Variants in KNDC1 observed in about 807,000 individuals in gnomAD.
KNDC1 encodes the protein kinase non-catalytic C-lobe domain containing 1, also known as kinase non-catalytic C-lobe domain-containing protein 1.
Under a neutral mutation model 172.8 loss-of-function variants are expected in KNDC1, and 106 were observed. The ratio of observed to expected loss-of-function variants is 0.61; its 90% CI spans 0.52 to 0.72. The LOEUF is 0.72. Ranked by LOEUF, KNDC1 falls within the 30% of genes least tolerant of loss-of-function variation. The pLI, the probability that KNDC1 is intolerant of heterozygous loss-of-function variation, is 0.00. For missense variants in KNDC1, 2,325 were observed against 2,394.5 expected (o/e 0.97, Z 0.61); for synonymous variants, 1,083 against 1,062.2 (o/e 1.02, Z -0.38).
chr10:133,170,458 C>T (rs939576658), intron 3 of KNDC1, among the ~76,000 whole-genome samples: 8 of 152,130 alleles, frequency 5.3e-5, no homozygotes, highest in East Asian at 1.9e-4. Flanking sequence ...GACAGCACCG[C>T]GCTGCATCTC....
At chr10:133,170,258 G>A (rs1345992462) in intron 3 of KNDC1, among the ~76,000 whole-genome samples, 1 of 152,214 alleles carries the variant, frequency 6.6e-6, no homozygotes, top group Non-Finnish European at 1.5e-5. Flanking sequence ...GGGGCAGGTG[G>A]ACGTACATCT....
chr10:133,216,120 A>G (rs1454271128), intron 26 of KNDC1, among the ~76,000 whole-genome samples: 1 of 152,262 alleles, frequency 6.6e-6, no homozygotes. Flanking sequence ...CCAGAAAATC[A>G]TTAAAATACA....
intron 17 of KNDC1, among the ~76,000 whole-genome samples, chr10:133,203,473 T>G (rs1854436801): frequency 6.6e-6 from 1 of 152,224 alleles, no homozygotes; most frequent in African/African-American, 2.4e-5. Flanking sequence ...AGACAGACTT[T>G]CACATCCGCA....
intron 16 of KNDC1, 54 bp from the exon 17 acceptor site, chr10:133,201,447 G>A (rs200361123): frequency 3.0e-5 from 46 of 1,521,038 alleles, no homozygotes; most frequent in South Asian, 1.3e-4. Flanking sequence ...CAGCCTGCCC[G>A]GGCTCCGCCC....
chr10:133,189,538 C>A, intron 7 of KNDC1, 60 bp from the exon 8 acceptor site: 1 of 1,538,686 alleles, frequency 6.5e-7, no homozygotes, highest in East Asian at 2.3e-5. Context: ...CTCCTTCCCC[C>A]CAGCCAGCCC....
At chr10:133,181,776 T>C (rs959150215) in intron 3 of KNDC1, among the ~76,000 whole-genome samples, 3 of 151,616 alleles carry the variant, frequency 2.0e-5, no homozygotes, top group Non-Finnish European at 2.9e-5. Context: ...GTGTGCTGGG[T>C]GTGCACGTAT....
At chr10:133,167,729 G>A (rs1244276038) in intron 2 of KNDC1, 150 bp downstream of exon 2, 13 of 927,720 alleles carry the variant, frequency 1.4e-5, no homozygotes, top group Non-Finnish European at 2.1e-5. Context: ...CCTTGGGAGG[G>A]ACTCAGGCTG....
In KNDC1 at chr10:133,225,078, C is replaced by G. The variant is rs1845694156; in HGVS notation, c.*188C>G. 4 of 596,036 alleles carry G rather than the reference C, an allele frequency of 6.7e-6. No individual in the cohort carries two copies. Among genetic ancestry groups the G allele is most frequent in the Non-Finnish European group, 1.2e-5 (4 of 330,684 alleles). 36.9% of individuals were successfully genotyped at this position (596,036 alleles called of 1,614,324 possible). ...ACAGGCAGAGCTGGTCTCCTCCCAG[C>G]AGACGGAGCCAGGACGGGCACAAGA... is the stretch of plus-strand genomic sequence containing the variant. On this transcript the variant is annotated 3_prime_UTR_variant, in exon 30 of 30. Coordinates refer to ENST00000304613, the MANE Select transcript of KNDC1 (RefSeq NM_152643.8).
Position 133,167,364 on chromosome 10 carries a change from A to G in KNDC1, c.103-17A>G. 2 of 1,554,234 alleles carry G rather than the reference A, an allele frequency of 1.3e-6. No homozygotes were observed. The highest frequency in any genetic ancestry group is 1.7e-6 in the Non-Finnish European group (2 of 1,147,738). The stretch of plus-strand genomic sequence containing the variant: ...TGGGGGTCCTGCCGGGCTCACGGCC[A>G]GGGCCGGTCTTGGCAGGAGAACGTG... On this transcript the variant is annotated splice_polypyrimidine_tract_variant and intron_variant, in intron 1 of 29. Coordinates refer to ENST00000304613, the MANE Select transcript of KNDC1 (RefSeq NM_152643.8).
chr10:133,189,215 G>A (rs1041926553), intron 7 of KNDC1, among the ~76,000 whole-genome samples: 6 of 152,168 alleles, frequency 3.9e-5, no homozygotes, highest in Non-Finnish European at 8.8e-5. Flanking sequence ...AGAGGCCATC[G>A]GAGACACACC....
intron 3 of KNDC1, among the ~76,000 whole-genome samples, chr10:133,176,470 G>T (rs1292437384): frequency 1.3e-5 from 2 of 152,144 alleles, no homozygotes; most frequent in African/African-American, 4.8e-5. Context: ...GGTTGTTGCT[G>T]GTCTCCTGCC....
chr10:133,185,936 G>GGGGAGGGGTGGGAGGAGA, intron 5 of KNDC1, 38 bp from the exon 6 acceptor site: 4 of 1,478,652 alleles, frequency 2.7e-6, no homozygotes, highest in South Asian at 2.6e-5. Flanking sequence ...AGGGGCGGGA[G>GGGGAGGGGTGGGAGGAGA]GGGCACCCAG....
chr10:133,177,721 GTGTGT>G (rs1853588036), intron 3 of KNDC1, among the ~76,000 whole-genome samples: 1 of 151,862 alleles, frequency 6.6e-6, no homozygotes, highest in Non-Finnish European at 1.5e-5. Flanking sequence ...ATGTGGTATG[GTGTGT>G]TGTGGCCACA....
At chr10:133,181,162 C>T (rs1461575353) in intron 3 of KNDC1, among the ~76,000 whole-genome samples, 1 of 151,644 alleles carries the variant, frequency 6.6e-6, no homozygotes, top group African/African-American at 2.4e-5. Context: ...CCCACTGACG[C>T]CACACGGGGC....
intron 29 of KNDC1, among the ~76,000 whole-genome samples, chr10:133,222,082 G>T (rs1356362849): frequency 4.6e-5 from 7 of 150,654 alleles, no homozygotes. Flanking sequence ...AGGAGTTCAA[G>T]ACCAGCCTGG....
intron 3 of KNDC1, among the ~76,000 whole-genome samples, chr10:133,171,898 G>A (rs959178717): frequency 6.6e-6 from 1 of 152,230 alleles, no homozygotes; most frequent in Non-Finnish European, 1.5e-5. Context: ...TTACAGGCAT[G>A]AGCCACTGTG....
chr10:133,193,497 C>T (rs1854113139), intron 9 of KNDC1, among the ~76,000 whole-genome samples: 1 of 151,702 alleles, frequency 6.6e-6, no homozygotes, highest in Non-Finnish European at 1.5e-5. Context: ...TGCACTCCAG[C>T]CAGGGCGACA....
At chr10:133,201,397 AAG>A (rs1287371167) in intron 16 of KNDC1, 102 bp from the exon 17 acceptor site, 3 of 1,273,412 alleles carry the variant, frequency 2.4e-6, no homozygotes, top group Non-Finnish European at 2.2e-6. Context: ...TGCAAGAGAG[AAG>A]GGCGTCGGGT....
intron 26 of KNDC1, among the ~76,000 whole-genome samples, chr10:133,216,822 C>T (rs1845476081): frequency 6.6e-6 from 1 of 152,368 alleles, no homozygotes; most frequent in African/African-American, 2.4e-5. Flanking sequence ...AATGCGGCCT[C>T]TTTGTACCTT....
Sources: gnomAD v4.1 joint callset for allele counts (sites outside exome capture counted in the v4.1 genomes callset) on GRCh38, gnomAD v4.1.1 for gene constraint, MANE v1.5 for transcripts, NCBI Gene and HGNC (gene_info 2026-07-23, HGNC 2026-07-21) for gene names.